ADCK1: variants seen among roughly 807,000 people sequenced by gnomAD.
ADCK1 encodes aarF domain containing kinase 1.
Under a neutral mutation model 52.3 loss-of-function variants are expected in ADCK1, and 41 were observed. The ratio of observed to expected loss-of-function variants is 0.78; its 90% confidence interval spans 0.61 to 1.02. The LOEUF (loss-of-function observed/expected upper bound fraction) is 1.02, where lower values mean the gene tolerates loss of function less well. ADCK1 is among the 50% of genes least tolerant of loss of function. The pLI is 0.00. For missense variants in ADCK1, 658 were observed against 679.5 expected (o/e 0.97, Z 0.35); for synonymous variants, 250 against 274.6 (o/e 0.91, Z 0.89).
chr14:77,863,380 TAG>T (rs991621124), intron 4 of ADCK1, among the ~76,000 whole-genome samples: 9 of 151,912 alleles, frequency 5.9e-5, no homozygotes, highest in African/African-American at 2.2e-4. Flanking sequence ...AGCTTGGGGA[TAG>T]AGTTATCGTG....
At position 77,844,043 on chromosome 14, in the gene ADCK1, G is replaced by A. The variant is rs1006094437; in HGVS notation, c.220-15033G>A. Among the ~76,000 whole-genome samples the A allele has an allele frequency of 1.1e-4, 17 of 152,216 alleles. No individual in the cohort carries two copies. The East Asian group carries it at 2.9e-3, about 26-fold the overall frequency. ...CAGGTAAAGAAACTCCTGCCAGGAT[G>A]TGAATGACTGATCATAATTTCTTTT... On this transcript the variant is annotated intron_variant, in intron 3 of 10. Coordinates refer to ENST00000238561, the MANE Select transcript of ADCK1 (RefSeq NM_020421.4).
chr14:77,851,011 G>A (rs1286421183), intron 3 of ADCK1, among the ~76,000 whole-genome samples: 2 of 151,672 alleles, frequency 1.3e-5, no homozygotes, highest in Non-Finnish European at 2.9e-5. Context: ...ATCAGTTTTT[G>A]CCATTACTTT....
chr14:77,873,341 C>G (rs1383381952), intron 4 of ADCK1, among the ~76,000 whole-genome samples: 6 of 152,250 alleles, frequency 3.9e-5, no homozygotes, highest in Non-Finnish European at 8.8e-5. Flanking sequence ...AGCCCATTTC[C>G]CAGGCCAGGC....
At chr14:77,876,652 C>T (rs1289434688) in intron 4 of ADCK1, among the ~76,000 whole-genome samples, 7 of 152,150 alleles carry the variant, frequency 4.6e-5, no homozygotes, top group East Asian at 1.9e-4. Context: ...AATGAGCATG[C>T]GCCCCAGTAA....
At chr14:77,801,609 A>G (rs2081112191) in intron 1 of ADCK1, among the ~76,000 whole-genome samples, 1 of 152,120 alleles carries the variant, frequency 6.6e-6, no homozygotes, top group Non-Finnish European at 1.5e-5. Flanking sequence ...ACTTTCTGCT[A>G]TGCAGTCATT....
intron 3 of ADCK1, among the ~76,000 whole-genome samples, chr14:77,854,712 A>G (rs1056704920): frequency 1.3e-5 from 2 of 152,036 alleles, no homozygotes; most frequent in African/African-American, 4.8e-5. Flanking sequence ...GCCCTCCTCC[A>G]TGCCCAGCTA....
intron 5 of ADCK1, 116 bp downstream of exon 5, chr14:77,887,365 G>A: frequency 8.5e-7 from 1 of 1,182,278 alleles, no homozygotes; most frequent in Non-Finnish European, 1.1e-6. Context: ...TCAAGCAGCA[G>A]AGGGAGAGGA....
chr14:77,835,124 A>G (rs2081934844), intron 3 of ADCK1, among the ~76,000 whole-genome samples: 1 of 152,172 alleles, frequency 6.6e-6, no homozygotes, highest in South Asian at 2.1e-4. Flanking sequence ...GGCTGAGGCA[A>G]TTTAGTACTG....
chr14:77,815,501 C>T (rs2140018489), intron 1 of ADCK1, among the ~76,000 whole-genome samples: 1 of 151,288 alleles, frequency 6.6e-6, no homozygotes, highest in South Asian at 2.1e-4. Context: ...TGAGTCACTG[C>T]CCCCAGCCAG....
intron 1 of ADCK1, among the ~76,000 whole-genome samples, chr14:77,803,774 C>A (rs2081162675): frequency 6.6e-6 from 1 of 152,192 alleles, no homozygotes; most frequent in African/African-American, 2.4e-5. Context: ...AAATCATAGT[C>A]TCTGCCCACA....
intron 3 of ADCK1, among the ~76,000 whole-genome samples, chr14:77,828,909 A>G (rs2081780008): frequency 6.6e-6 from 1 of 151,390 alleles, no homozygotes. Flanking sequence ...TCCAGACAAT[A>G]CTTTTCCTTT....
At position 77,823,560 on chromosome 14, in the gene ADCK1, CTTTATTTATTTATTTATTTA is replaced by C. The variant is rs66494884; in HGVS notation, c.219+1069_219+1088del. Among the ~76,000 whole-genome samples, 28 of 137,136 alleles carry C rather than the reference CTTTATTTATTTATTTATTTA, an allele frequency of 2.0e-4. No individual in the cohort carries two copies. The East Asian group carries it at 3.7e-3, about 18-fold the overall frequency. The allele number at this position is 137,136 out of a possible 152,430, so 90.0% of individuals were successfully genotyped here. On this transcript the variant is annotated intron_variant, in intron 3 of 10. Transcript: ENST00000238561. ...CCATCTTGTTAGTCATCTTTCCCCC[CTTTATTTATTTATTTATTTA>C]TTTATTTATTTATTTATTTATTTAT...
chr14:77,819,025 T>G lies in ADCK1; in HGVS notation c.47T>G (p.Leu16Arg), dbSNP rs1224389233. Residue 16 changes from leucine (L) to arginine (R), a missense_variant, in exon 2 of 11, where the codon CTT becomes CGT. Physicochemically the swap from Leu to Arg is moderately radical, Grantham distance 102. Coordinates refer to ENST00000238561, the MANE Select transcript of ADCK1 (RefSeq NM_020421.4). ...CTTGCTTCGTGGACCAGCATGGCTCTTGCTGCCTCTGGCATCTACTTCTAC... is the reference window on the plus strand; with the variant it reads ...CTTGCTTCGTGGACCAGCATGGCTCGTGCTGCCTCTGGCATCTACTTCTAC... ...LKLASWTSMA[L>R]AASGIYFYSN... is the part of the protein sequence containing the mutation. The G allele has an allele frequency of 6.2e-7, 1 of 1,614,248 alleles. No homozygotes were observed. Among genetic ancestry groups the G allele is most frequent in the Non-Finnish European group, 8.5e-7 (1 of 1,180,030 alleles).
chr14:77,919,052 T>C (rs2083989191), intron 7 of ADCK1, among the ~76,000 whole-genome samples: 1 of 152,154 alleles, frequency 6.6e-6, no homozygotes, highest in Admixed American at 6.5e-5. Flanking sequence ...CTTGCCCCCT[T>C]ATTTATTTAT....
chr14:77,835,560 C>T (rs2081943190), intron 3 of ADCK1, among the ~76,000 whole-genome samples: 1 of 152,204 alleles, frequency 6.6e-6, no homozygotes, highest in African/African-American at 2.4e-5. Flanking sequence ...ACCTGTCAGA[C>T]AATCAGTCAC....
intron 3 of ADCK1, chr14:77,827,834 C>CTTT (rs33940923): frequency 9.7e-4 from 378 of 389,454 alleles, no homozygotes; most frequent in Non-Finnish European, 1.1e-3. Flanking sequence ...TTTTAAAAGG[C>CTTT]TTTTTTTTTT....
At chr14:77,924,161 G>A (rs71413483) in intron 7 of ADCK1, 2 of 299,850 alleles carry the variant, frequency 6.7e-6, no homozygotes, top group Non-Finnish European at 1.2e-5. Flanking sequence ...GCGGGTGTGG[G>A]AGGTGGAGAG....
At chr14:77,834,208 G>A (rs11622333) in intron 3 of ADCK1, among the ~76,000 whole-genome samples, 1 of 151,972 alleles carries the variant, frequency 6.6e-6, no homozygotes, top group Non-Finnish European at 1.5e-5. Context: ...TCTTGGCTTT[G>A]TTCTAAGCAA....
At chr14:77,822,312 GGT>G in intron 2 of ADCK1, 121 bp from the exon 3 acceptor site, 2 of 737,694 alleles carry the variant, frequency 2.7e-6, no homozygotes, top group Non-Finnish European at 4.8e-6. Context: ...GCATCTTAGG[GGT>G]GGGACTGGCC....
Sources: gnomAD v4.1 joint callset for allele counts (sites outside exome capture counted in the v4.1 genomes callset) on GRCh38, gnomAD v4.1.1 for gene constraint, MANE v1.5 for transcripts, NCBI Gene and HGNC (gene_info 2026-07-23, HGNC 2026-07-21) for gene names.